CCDC66: variants seen among roughly 807,000 people sequenced by gnomAD.
The protein encoded by CCDC66 is coiled-coil domain containing 66.
A neutral mutation model predicts 128.3 loss-of-function variants in CCDC66; 133 were observed. The observed-to-expected ratio is 1.04, with a 90% CI of 0.90 to 1.20. CCDC66 has a LOEUF of 1.20. CCDC66 is among the 50% of genes most tolerant of loss of function. The pLI is 0.00. For missense variants in CCDC66, 1,126 were observed against 1,075.5 expected, an observed-to-expected ratio of 1.05 and a Z score of -0.66; for synonymous variants, 387 against 357.0, an observed-to-expected ratio of 1.08 and a Z score of -0.95.
At chr3:56,574,852 C>A (rs1315072161) in intron 7 of CCDC66, among the ~76,000 whole-genome samples, 2 of 151,796 alleles carry the variant, frequency 1.3e-5, no homozygotes, top group African/African-American at 4.8e-5. Flanking sequence ...TTTACCCATA[C>A]TGTAGCATGT....
chr3:56,558,997 T>C, intron 2 of CCDC66, 87 bp downstream of exon 2: 2 of 890,236 alleles, frequency 2.2e-6, no homozygotes, highest in Non-Finnish European at 1.7e-6. Flanking sequence ...TTGCTTGTAA[T>C]AGAGTGATAT....
intron 10 of CCDC66, among the ~76,000 whole-genome samples, chr3:56,597,920 A>G (rs1366964733): frequency 6.6e-6 from 1 of 151,190 alleles, no homozygotes; most frequent in Non-Finnish European, 1.5e-5. Context: ...GACTACAGGC[A>G]TGTGCCACCG....
At chr3:56,565,228 T>C (rs972042447) in intron 4 of CCDC66, 3 of 233,192 alleles carry the variant, frequency 1.3e-5, no homozygotes, top group African/African-American at 3.6e-5. Flanking sequence ...ATCAAGATAT[T>C]TGTATTCCCC....
chr3:56,605,845 T>G (rs2107217177), intron 10 of CCDC66, among the ~76,000 whole-genome samples: 1 of 152,128 alleles, frequency 6.6e-6, no homozygotes, highest in African/African-American at 2.4e-5. Context: ...GGCAGGGACG[T>G]TTAAGTCTGC....
chr3:56,599,929 G>A (rs2072848102), intron 10 of CCDC66, among the ~76,000 whole-genome samples: 1 of 152,066 alleles, frequency 6.6e-6, no homozygotes. Context: ...AGAACGTGCA[G>A]TGTTTGGTTT....
intron 7 of CCDC66, among the ~76,000 whole-genome samples, chr3:56,581,841 C>T (rs2068439403): frequency 6.6e-6 from 1 of 151,878 alleles, no homozygotes; most frequent in Non-Finnish European, 1.5e-5. Flanking sequence ...AGGTGTCTCC[C>T]AGTTAGGCTA....
intron 7 of CCDC66, among the ~76,000 whole-genome samples, chr3:56,573,152 C>G (rs900993617): frequency 1.3e-5 from 2 of 152,156 alleles, no homozygotes; most frequent in Non-Finnish European, 2.9e-5. Context: ...TCTTAATTTG[C>G]ATGGCTTTTT....
At chr3:56,591,887 T>G (rs1359686569) in intron 7 of CCDC66, among the ~76,000 whole-genome samples, 2 of 152,236 alleles carry the variant, frequency 1.3e-5, no homozygotes, top group East Asian at 1.9e-4. Flanking sequence ...ATTGTAGGAT[T>G]CTGTCAAACA....
chr3:56,557,184 C>T lies in CCDC66; in HGVS notation c.-59C>T. 3 of 1,550,526 alleles carry T rather than the reference C, an allele frequency of 1.9e-6. No homozygotes were observed. Among genetic ancestry groups the T allele is most frequent in the Admixed American group, 2.0e-5 (1 of 50,976 alleles). On this transcript the variant is annotated 5_prime_UTR_variant, in exon 1 of 18. Coordinates refer to ENST00000394672, the MANE Select transcript of CCDC66 (RefSeq NM_001141947.3). ...TGGCGTAGCGCTTGCTGAGCGGCGG[C>T]GGCAACCGACGTACACAAGGGGCTT...
intron 7 of CCDC66, among the ~76,000 whole-genome samples, chr3:56,575,650 G>T (rs1408914076): frequency 6.6e-6 from 1 of 151,810 alleles, no homozygotes; most frequent in Admixed American, 6.6e-5. Flanking sequence ...TCCTATCAAA[G>T]AAATCATTGC....
In CCDC66 at chr3:56,566,760, G is replaced by T. The variant is rs780618677; in HGVS notation, c.710+1G>T. 1 of 1,608,936 alleles carries T rather than the reference G, an allele frequency of 6.2e-7. No homozygotes were observed. The highest frequency in any genetic ancestry group is 2.2e-5 in the East Asian group (1 of 44,744). On this transcript the variant is annotated splice_donor_variant, in intron 5 of 17. Transcript: ENST00000394672. LOFTEE classifies it high-confidence loss of function. ...AACAGTGTGAGCAAAAAATTGCCAT[G>T]TATGTAACTCCTATCTGTTGTTATT...
At chr3:56,612,341 G>A (rs1195776512) in intron 10 of CCDC66, among the ~76,000 whole-genome samples, 1 of 152,182 alleles carries the variant, frequency 6.6e-6, no homozygotes, top group Admixed American at 6.5e-5. Flanking sequence ...GTTGTTCGTG[G>A]AGGCTGTGGT....
rs763307887 is a variant in CCDC66 at position 56,613,763 on chromosome 3, A to G, written c.1566+13A>G. ...AAAACAAAAGGAAGTAGGTACTTAC[A>G]TTCTAATTGTAACTTTGGTTTTTGT... On this transcript the variant is annotated intron_variant, in intron 11 of 17. Transcript: ENST00000394672. 6.9e-6 allele frequency: 11 copies of G among 1,595,746 alleles called. No homozygotes were observed. The East Asian group carries it at 1.1e-4, about 16-fold the overall frequency.
intron 7 of CCDC66, among the ~76,000 whole-genome samples, chr3:56,582,191 G>A (rs554787350): frequency 2.6e-5 from 4 of 152,002 alleles, no homozygotes; most frequent in Non-Finnish European, 5.9e-5. Flanking sequence ...GCGAGGCTCC[G>A]TGGGCGTGGG....
At chr3:56,573,157 CT>C (rs1313165946) in intron 7 of CCDC66, among the ~76,000 whole-genome samples, 1 of 152,004 alleles carries the variant, frequency 6.6e-6, no homozygotes, top group Non-Finnish European at 1.5e-5. Context: ...ATTTGCATGG[CT>C]TTTTAGGTCA....
intron 17 of CCDC66, 70 bp downstream of exon 17, chr3:56,619,971 A>G: frequency 6.6e-7 from 1 of 1,512,346 alleles, no homozygotes; most frequent in Non-Finnish European, 8.9e-7. Context: ...AACCTGTTGA[A>G]CGGTTTGTTT....
intron 9 of CCDC66, 66 bp downstream of exon 9, chr3:56,593,807 T>C: frequency 6.3e-7 from 1 of 1,590,110 alleles, no homozygotes; most frequent in African/African-American, 1.3e-5. Flanking sequence ...AGACTGTTGT[T>C]ATGTCTAATT....
intron 17 of CCDC66, 94 bp from the exon 18 acceptor site, chr3:56,621,438 T>C: frequency 1.2e-6 from 1 of 856,244 alleles, no homozygotes; most frequent in Non-Finnish European, 1.8e-6. Context: ...TCCTAAGCGA[T>C]ATGTTTTCCA....
chr3:56,565,913 A>G (rs943033487), intron 4 of CCDC66, among the ~76,000 whole-genome samples: 16 of 151,226 alleles, frequency 1.1e-4, no homozygotes, highest in African/African-American at 3.4e-4. Flanking sequence ...TGATCCGCCC[A>G]CCTTGGCCTC....
Sources: allele counts gnomAD v4.1 joint callset (sites outside exome capture counted in the v4.1 genomes callset), GRCh38; gene constraint gnomAD v4.1.1; transcripts MANE v1.5; gene names NCBI Gene and HGNC (gene_info 2026-07-23, HGNC 2026-07-21).